CLINT1: variants seen among roughly 807,000 people sequenced by gnomAD.
CLINT1 encodes the protein clathrin interactor 1, also known as clathrin interacting protein localized in the trans-Golgi region.
A neutral mutation model predicts 70.4 loss-of-function variants in CLINT1; 15 were observed. The ratio of observed to expected loss-of-function variants is 0.21; its 90% CI spans 0.14 to 0.33. The LOEUF is 0.33. Ranked by LOEUF, CLINT1 falls within the 10% of genes least tolerant of loss-of-function variation. The pLI is 1.00. For synonymous variants in CLINT1, 227 were observed against 254.7 expected, an observed-to-expected ratio of 0.89 and a Z score of 1.04; for missense variants, 615 against 778.1, an observed-to-expected ratio of 0.79 and a Z score of 2.49.
intron 1 of CLINT1, among the ~76,000 whole-genome samples, chr5:157,855,739 AG>A (rs1437904409): frequency 7.2e-5 from 11 of 152,196 alleles, no homozygotes; most frequent in Non-Finnish European, 1.3e-4. Flanking sequence ...GTTCAAGACC[AG>A]CCTGGCCAAC....
chr5:157,795,925 G>C (rs1260001510), intron 8 of CLINT1: 1 of 152,350 alleles, frequency 6.6e-6, no homozygotes, highest in Non-Finnish European at 1.5e-5. Flanking sequence ...CAGCTACTCG[G>C]GAGGCTGAGG....
chr5:157,812,789 G>A (rs1368635057), intron 5 of CLINT1, among the ~76,000 whole-genome samples: 1 of 152,130 alleles, frequency 6.6e-6, no homozygotes, highest in African/African-American at 2.4e-5. Context: ...AGAGGGAAGG[G>A]CATATATCTG....
chr5:157,841,280 A>G lies in CLINT1; in HGVS notation c.41+17650T>C, dbSNP rs371177970. Among the ~76,000 whole-genome samples the G allele has an allele frequency of 1.0e-4, 15 of 150,390 alleles. No homozygotes were observed. The East Asian group carries it at 1.8e-3, about 18-fold the overall frequency. On this transcript the variant is annotated intron_variant, in intron 1 of 11. Coordinates refer to ENST00000411809, the MANE Select transcript of CLINT1 (RefSeq NM_014666.4). ...GAGCCCGTGTTTAAAAAAGAAAAGA[A>G]AAAGGTCAGGCACGGTGGCTCACAC...
At chr5:157,812,215 G>A (rs963572671) in intron 5 of CLINT1, among the ~76,000 whole-genome samples, 3 of 152,080 alleles carry the variant, frequency 2.0e-5, no homozygotes, top group Non-Finnish European at 2.9e-5. Flanking sequence ...CATTGAAGGA[G>A]ATATGAGAGC....
chr5:157,846,219 T>C (rs952247796), intron 1 of CLINT1, among the ~76,000 whole-genome samples: 1 of 152,234 alleles, frequency 6.6e-6, no homozygotes, highest in Non-Finnish European at 1.5e-5. Flanking sequence ...GGCTAAAAGC[T>C]ATGCCTCTTG....
At chr5:157,791,108 G>A (rs1030271333) in intron 10 of CLINT1, among the ~76,000 whole-genome samples, 17 of 152,018 alleles carry the variant, frequency 1.1e-4, no homozygotes, top group African/African-American at 4.1e-4. Flanking sequence ...GCCCAGGCTG[G>A]AGTGCAGTGG....
chr5:157,788,641 G>A (rs1319026917), intron 11 of CLINT1, among the ~76,000 whole-genome samples: 1 of 152,114 alleles, frequency 6.6e-6, no homozygotes, highest in Non-Finnish European at 1.5e-5. Flanking sequence ...AGTATAGAGA[G>A]AATGATCCCA....
At chr5:157,811,343 A>G (rs1268622190) in intron 5 of CLINT1, among the ~76,000 whole-genome samples, 3 of 152,116 alleles carry the variant, frequency 2.0e-5, no homozygotes, top group Non-Finnish European at 4.4e-5. Flanking sequence ...GGAGTTCAAG[A>G]CCAGCCTGGC....
chr5:157,821,246 G>A (rs1762873747), intron 1 of CLINT1, among the ~76,000 whole-genome samples: 1 of 152,000 alleles, frequency 6.6e-6, no homozygotes, highest in South Asian at 2.1e-4. Context: ...TTTTAAACCA[G>A]TCTGACAGTA....
rs748208877 is a variant in CLINT1, at chr5:157,858,977, C to T, written c.-7G>A. On this transcript the variant is annotated 5_prime_UTR_variant, in exon 1 of 12. Coordinates refer to ENST00000411809, the MANE Select transcript of CLINT1 (RefSeq NM_014666.4). ...CCTTCCACATGTTCAACATCGTGCC[C>T]CGCGCGGGACGGTCCGCCGCCTCCC... 4.4e-5 allele frequency: 71 copies of T among 1,611,036 alleles called. No homozygotes were observed. The South Asian group carries it at 6.5e-4, about 15-fold the overall frequency.
At chr5:157,834,965 C>T (rs766427499) in intron 1 of CLINT1, among the ~76,000 whole-genome samples, 16 of 152,246 alleles carry the variant, frequency 1.1e-4, no homozygotes, top group Non-Finnish European at 2.1e-4. Flanking sequence ...TCTGTATTCA[C>T]GGTGCTTTCA....
rs1761931670 is a variant in CLINT1, at chr5:157,792,077, T to C, written c.1088-82A>G. The C allele has an allele frequency of 9.6e-6, 12 of 1,246,426 alleles. No homozygotes were observed. In the South Asian group the frequency reaches 1.1e-4, roughly 12 times the overall value. The allele number at this position is 1,246,426 out of a possible 1,614,324, so 77.2% of individuals were successfully genotyped here. A position where few individuals can be genotyped will look rare whatever the true frequency, so the allele number is the denominator to read the frequency against. Reference sequence around the variant, plus strand: ...TAACAATCTATGAACTGAAACAAATTAGAGCTGATCTGAGTCCCCCAGATT... The same window carrying C: ...TAACAATCTATGAACTGAAACAAATCAGAGCTGATCTGAGTCCCCCAGATT... On this transcript the variant is annotated intron_variant, in intron 9 of 11. Coordinates refer to ENST00000411809, the MANE Select transcript of CLINT1 (RefSeq NM_014666.4).
intron 1 of CLINT1, among the ~76,000 whole-genome samples, chr5:157,829,968 A>T (rs1348423493): frequency 6.6e-6 from 1 of 151,762 alleles, no homozygotes; most frequent in Non-Finnish European, 1.5e-5. Flanking sequence ...CTTTCTTTAG[A>T]GACAGGGTCT....
At chr5:157,850,323 T>C (rs148925112) in intron 1 of CLINT1, among the ~76,000 whole-genome samples, 2,096 of 152,150 alleles carry the variant, frequency 0.014, 32 homozygotes, top group Admixed American at 0.022. Context: ...TACATCAAAC[T>C]AAGGATATTA....
In CLINT1 at chr5:157,856,876, C is replaced by T. The variant is rs1343938655; in HGVS notation, c.41+2054G>A. On this transcript the variant is annotated intron_variant, in intron 1 of 11. Transcript: ENST00000411809. ...CAATAGCTTTTCCTTTAGATAACTA[C>T]TTACATGGCAAATTTAACCTAAAGC... Among the ~76,000 whole-genome samples, 4 of 152,138 alleles carry T rather than the reference C, an allele frequency of 2.6e-5. No individual in the cohort carries two copies. In the East Asian group the frequency reaches 7.7e-4, roughly 29 times the overall value.
chr5:157,791,609 C>T lies in CLINT1; in HGVS notation c.1380+94G>A, dbSNP rs1461001917. 12 of 1,190,490 alleles carry T rather than the reference C, an allele frequency of 1.0e-5. No individual in the cohort carries two copies. In the Admixed American group the frequency reaches 1.6e-4, roughly 16 times the overall value. 73.7% of individuals were successfully genotyped at this position (1,190,490 alleles called of 1,614,324 possible). Reference sequence around the variant, plus strand: ...TATTCATACACATAAAAAGGACTTGCTTATTTTTCTGTTTTATACTAATCT... The same window carrying T: ...TATTCATACACATAAAAAGGACTTGTTTATTTTTCTGTTTTATACTAATCT... On this transcript the variant is annotated intron_variant, in intron 10 of 11. Coordinates refer to ENST00000411809, the MANE Select transcript of CLINT1 (RefSeq NM_014666.4).
At chr5:157,795,267 C>G (rs1292891316) in intron 8 of CLINT1, 2 of 298,528 alleles carry the variant, frequency 6.7e-6, no homozygotes, top group South Asian at 7.2e-5. Flanking sequence ...TACAACTTAT[C>G]TAGCCAATTA....
At chr5:157,791,029 G>C (rs768330021) in intron 10 of CLINT1, among the ~76,000 whole-genome samples, 6 of 152,028 alleles carry the variant, frequency 3.9e-5, no homozygotes, top group Non-Finnish European at 8.8e-5. Flanking sequence ...GTGGATACTT[G>C]CCGTAAGTGA....
At chr5:157,799,116 T>C (rs1020522449) in intron 8 of CLINT1, among the ~76,000 whole-genome samples, 2 of 152,194 alleles carry the variant, frequency 1.3e-5, no homozygotes, top group Admixed American at 1.3e-4. Flanking sequence ...TTTAAAAAGA[T>C]ATTCACCAGA....
Sources: gnomAD v4.1 joint callset for allele counts (sites outside exome capture counted in the v4.1 genomes callset) on GRCh38, gnomAD v4.1.1 for gene constraint, MANE v1.5 for transcripts, NCBI Gene and HGNC (gene_info 2026-07-23, HGNC 2026-07-21) for gene names.